The following PACS1 variants were observed in gnomAD, a reference collection of about 807,000 sequenced individuals.
The protein encoded by PACS1 is PACS-1.
Under a neutral mutation model 115.0 loss-of-function variants are expected in PACS1, and 24 were observed. The observed-to-expected ratio is 0.21, with a 90% CI of 0.15 to 0.29. The LOEUF (loss-of-function observed/expected upper bound fraction) is 0.29. Ranked by LOEUF, PACS1 falls within the 10% of genes least tolerant of loss-of-function variation. The pLI, the probability that PACS1 is intolerant of heterozygous loss-of-function variation, is 1.00. For missense variants in PACS1, 838 were observed against 1,251.2 expected, an observed-to-expected ratio of 0.67 and a Z score of 4.98; for synonymous variants, 453 against 504.5, an observed-to-expected ratio of 0.90 and a Z score of 1.37.
chr11:66,154,584 GA>G (rs201343775), intron 1 of PACS1, among the ~76,000 whole-genome samples: 1 of 151,942 alleles, frequency 6.6e-6, no homozygotes, highest in African/African-American at 2.4e-5. Flanking sequence ...CAGATAACTG[GA>G]AAAAAAATTT....
chr11:66,172,962 G>A (rs111637305), intron 1 of PACS1, among the ~76,000 whole-genome samples: 5,246 of 140,206 alleles, frequency 0.037, 308 homozygotes, highest in African/African-American at 0.14. Flanking sequence ...GTGACACAGC[G>A]AGACTCTGTC....
intron 1 of PACS1, among the ~76,000 whole-genome samples, chr11:66,082,122 T>C (rs1428112466): frequency 6.6e-6 from 1 of 152,264 alleles, no homozygotes; most frequent in Non-Finnish European, 1.5e-5. Context: ...TTTCCTTGAA[T>C]CTGGATCTTA....
rs1857565798 is a variant in PACS1 at position 66,086,224 on chromosome 11, G to A, written c.356+15382G>A. ...GCGATCTCGGCTCACTGCAGGCTCC[G>A]CCCCCCGGGGTTCACGCCATTCTCC... On this transcript the variant is annotated intron_variant, in intron 1 of 23. Transcript: ENST00000320580. Among the ~76,000 whole-genome samples, 2 of 144,818 alleles carry A rather than the reference G, an allele frequency of 1.4e-5. 1 individual carries two copies. Among genetic ancestry groups the A allele is most frequent in the South Asian group, 4.5e-4 (2 of 4,488 alleles).
At chr11:66,092,699 A>G (rs1388980562) in intron 1 of PACS1, among the ~76,000 whole-genome samples, 1 of 152,082 alleles carries the variant, frequency 6.6e-6, no homozygotes, top group Admixed American at 6.6e-5. Context: ...TAATTTTTGT[A>G]TAAGGTGTAA....
intron 1 of PACS1, among the ~76,000 whole-genome samples, chr11:66,167,476 A>T (rs1455301208): frequency 6.7e-6 from 1 of 149,356 alleles, no homozygotes; most frequent in Non-Finnish European, 1.5e-5. Flanking sequence ...CTGGAATTAC[A>T]GGCATGAGCT....
At position 66,185,758 on chromosome 11, in the gene PACS1, A is replaced by AC. The variant is rs550729721; in HGVS notation, c.357-7725dup. ...TCTTCTCTTCCTTCATAAGGATGAG[A>AC]CCCAGGGTTTCCTGATAGGGCACTG... On this transcript the variant is annotated intron_variant, in intron 1 of 23. Transcript: ENST00000320580. 4.2e-3 allele frequency among the ~76,000 whole-genome samples: 641 copies of AC among 152,210 alleles called. 3 individuals are homozygous for AC. Among genetic ancestry groups the AC allele is most frequent in the Non-Finnish European group, 6.7e-3 (458 of 68,020 alleles).
chr11:66,088,513 T>C (rs184784992), intron 1 of PACS1, among the ~76,000 whole-genome samples: 1 of 152,344 alleles, frequency 6.6e-6, no homozygotes, highest in East Asian at 1.9e-4. Flanking sequence ...GGTCATCCTT[T>C]TCCCACTGCA....
intron 1 of PACS1, among the ~76,000 whole-genome samples, chr11:66,128,847 G>A (rs1858637314): frequency 6.7e-6 from 1 of 150,136 alleles, no homozygotes; most frequent in East Asian, 2.0e-4. Flanking sequence ...TCGTGCCACT[G>A]TACTCCATCC....
intron 1 of PACS1, among the ~76,000 whole-genome samples, chr11:66,088,144 G>C (rs1857603557): frequency 6.7e-6 from 1 of 150,216 alleles, no homozygotes. Flanking sequence ...CTCATACTCT[G>C]TGTGTTCCTT....
chr11:66,242,111 C>T (rs949764507), intron 22 of PACS1, among the ~76,000 whole-genome samples: 15 of 152,204 alleles, frequency 9.9e-5, no homozygotes, highest in Admixed American at 2.6e-4. Context: ...GGCATACAGT[C>T]CATTCTGGAT....
intron 1 of PACS1, among the ~76,000 whole-genome samples, chr11:66,120,469 G>T (rs1422181328): frequency 6.6e-6 from 1 of 152,200 alleles, no homozygotes; most frequent in African/African-American, 2.4e-5. Context: ...TTTGCTTAAT[G>T]AAAGAGATAT....
At chr11:66,223,814 A>G (rs1428342587) in intron 10 of PACS1, among the ~76,000 whole-genome samples, 1 of 152,248 alleles carries the variant, frequency 6.6e-6, no homozygotes, top group African/African-American at 2.4e-5. Flanking sequence ...CCTGACTTAT[A>G]AAACTTACAG....
chr11:66,118,786 A>AAAAAAAG (rs1858372390), intron 1 of PACS1, among the ~76,000 whole-genome samples: 1 of 151,268 alleles, frequency 6.6e-6, no homozygotes, highest in South Asian at 2.1e-4. Context: ...AAAAAAAAAA[A>AAAAAAAG]AAAAAAGAAA....
At chr11:66,105,075 A>C (rs1475260216) in intron 1 of PACS1, among the ~76,000 whole-genome samples, 4 of 152,210 alleles carry the variant, frequency 2.6e-5, no homozygotes, top group African/African-American at 9.6e-5. Context: ...AATTTTTCCC[A>C]AAAGTTCAGA....
In PACS1 at chr11:66,233,678, C is replaced by CT. The variant is rs1383779936; in HGVS notation, c.1839-103dup. On this transcript the variant is annotated intron_variant, in intron 15 of 23. Coordinates refer to ENST00000320580, the MANE Select transcript of PACS1 (RefSeq NM_018026.4). The surrounding 1 kb of genome is among the most constrained non-coding windows in gnomAD (Gnocchi z 4.5). ...CTGTTTTATTTTGTGGATTGGTTTG[C>CT]TTTTCCCCTGTGGGTTGTTGAGATC... The CT allele has an allele frequency of 1.8e-6, 2 of 1,104,994 alleles. No individual in the cohort carries two copies. Among genetic ancestry groups the CT allele is most frequent in the East Asian group, 4.9e-5 (2 of 40,872 alleles). The allele number at this position is 1,104,994 out of a possible 1,614,324, so 68.4% of individuals were successfully genotyped here.
rs1291181618 is a variant in PACS1 at position 66,070,583 on chromosome 11, C to A, written c.97C>A (p.Pro33Thr). Residue 33 changes from proline to threonine, a missense_variant, in exon 1 of 24, where the codon CCG (proline) becomes ACG (threonine). By Grantham distance (38) the Pro-to-Thr change is conservative. Transcript: ENST00000320580. This position sits in a 1 kb window ranked among gnomAD's most constrained non-coding sequence, Gnocchi z 5.9. Reference sequence around the variant, plus strand: ...GGTCGCCCAGTCCCCTCAGCAGCCGCCGCCGCAGCAGCAGCAGCAGCAGCC... The same window carrying A: ...GGTCGCCCAGTCCCCTCAGCAGCCGACGCCGCAGCAGCAGCAGCAGCAGCC... ...SGVAQSPQQP[P>T]PQQQQQQPPQ... is the part of the protein sequence containing the mutation. 1 of 1,496,312 alleles carries A rather than the reference C, an allele frequency of 6.7e-7. No individual in the cohort carries two copies. Among genetic ancestry groups the A allele is most frequent in the Admixed American group, 2.1e-5 (1 of 46,572 alleles). The allele number at this position is 1,496,312 out of a possible 1,614,324, so 92.7% of individuals were successfully genotyped here.
chr11:66,113,131 A>G (rs1858223983), intron 1 of PACS1, among the ~76,000 whole-genome samples: 1 of 152,264 alleles, frequency 6.6e-6, no homozygotes, highest in Non-Finnish European at 1.5e-5. Context: ...TTACACAGGT[A>G]TAAATTTGTC....
chr11:66,075,675 A>G (rs2134493795), intron 1 of PACS1, among the ~76,000 whole-genome samples: 1 of 152,244 alleles, frequency 6.6e-6, no homozygotes, highest in Non-Finnish European at 1.5e-5. Context: ...TATAAAGTAA[A>G]TGTAATTGAT....
intron 1 of PACS1, among the ~76,000 whole-genome samples, chr11:66,148,547 C>G (rs890210465): frequency 6.6e-6 from 1 of 152,178 alleles, no homozygotes; most frequent in African/African-American, 2.4e-5. Flanking sequence ...TAACTAAGAA[C>G]TATAAAAAAG....
Sources: gnomAD v4.1 joint callset for allele counts (sites outside exome capture counted in the v4.1 genomes callset) on GRCh38, gnomAD v4.1.1 for gene constraint, Gnocchi (gnomAD v3.1) non-coding constraint, MANE v1.5 for transcripts, NCBI Gene and HGNC (gene_info 2026-07-23, HGNC 2026-07-21) for gene names.